Variants in NFIB observed in about 807,000 individuals in gnomAD.
The protein encoded by NFIB is nuclear factor I B, also known as nuclear factor 1 B-type.
A neutral mutation model predicts 61.5 loss-of-function variants in NFIB; 11 were observed. The observed-to-expected ratio is 0.18, with a 90% CI of 0.11 to 0.30. The LOEUF is 0.30. Ranked by LOEUF, NFIB falls within the 10% of genes least tolerant of loss-of-function variation. NFIB has a pLI of 1.00. For synonymous variants in NFIB, 260 were observed against 216.5 expected (o/e 1.20, Z -1.76); for missense variants, 471 against 608.9 (o/e 0.77, Z 2.38).
chr9:14,418,636 C>A, the NFIB span, among the ~76,000 whole-genome samples: 1,194 of 152,198 alleles, frequency 7.8e-3, 22 homozygotes, highest in African/African-American at 0.027. Context: ...TTTTGCAAGA[C>A]CCTATTAGGG....
chr9:14,317,988 C>G (rs567302100), upstream of NFIB, among the ~76,000 whole-genome samples: 22 of 152,314 alleles, frequency 1.4e-4, no homozygotes, highest in Admixed American at 4.6e-4. Context: ...CCAAACACTT[C>G]TTAAACTTTG....
chr9:14,093,898 A>G (rs1238277201), intron 10 of NFIB, among the ~76,000 whole-genome samples: 4 of 152,126 alleles, frequency 2.6e-5, no homozygotes, highest in Admixed American at 6.6e-5. Context: ...TATTAGAACA[A>G]AGAAAATAGT....
intron 1 of NFIB, among the ~76,000 whole-genome samples, chr9:14,382,997 A>C (rs2133007433): frequency 6.6e-6 from 1 of 152,320 alleles, no homozygotes; most frequent in South Asian, 2.1e-4. Flanking sequence ...GGAGAGAAGT[A>C]GCTAACTAAT....
At chr9:14,526,663 A>G in the NFIB span, among the ~76,000 whole-genome samples, 4 of 152,328 alleles carry the variant, frequency 2.6e-5, no homozygotes, top group East Asian at 7.7e-4. Flanking sequence ...CACAGCATAG[A>G]AAATAACAAT....
At chr9:14,449,809 C>T in the NFIB span, among the ~76,000 whole-genome samples, 12 of 152,144 alleles carry the variant, frequency 7.9e-5, no homozygotes, top group Admixed American at 2.6e-4. Context: ...TGGTGCATGC[C>T]TGCAGTCCCA....
At position 14,307,568 on chromosome 9, in the gene NFIB, T is replaced by C; in HGVS notation, c.31-48A>G. The C allele has an allele frequency of 6.7e-7, 1 of 1,486,228 alleles. No individual in the cohort carries two copies. The highest frequency in any genetic ancestry group is 9.0e-7 in the Non-Finnish European group (1 of 1,117,152). The allele number at this position is 1,486,228 out of a possible 1,614,324, so 92.1% of individuals were successfully genotyped here. On this transcript the variant is annotated intron_variant, in intron 1 of 10. Coordinates refer to ENST00000380953, the MANE Select transcript of NFIB (RefSeq NM_001190737.2). This position sits in a 1 kb window ranked among gnomAD's most constrained non-coding sequence, Gnocchi z 5.3. ...GAAAAGATGTGCATAGTCAGTTTAA[T>C]TTTAAAAGCTCAAAAAATAAGAAAA...
At chr9:14,256,698 C>A (rs903023653) in intron 2 of NFIB, among the ~76,000 whole-genome samples, 33 of 152,256 alleles carry the variant, frequency 2.2e-4, no homozygotes, top group African/African-American at 7.7e-4. Flanking sequence ...TCACTGTGAG[C>A]TCATAAAACT....
the NFIB span, among the ~76,000 whole-genome samples, chr9:14,426,417 G>C: frequency 1.3e-5 from 2 of 152,168 alleles, no homozygotes; most frequent in African/African-American, 2.4e-5. Context: ...TGATTTGCAT[G>C]TCTATTTTCT....
intron 3 of NFIB, among the ~76,000 whole-genome samples, chr9:14,163,303 C>A (rs569585073): frequency 1.3e-4 from 20 of 151,848 alleles, no homozygotes; most frequent in Admixed American, 2.6e-4. Flanking sequence ...AAATAAAATA[C>A]ATAAATCACT....
chr9:14,439,797 A>G, the NFIB span, among the ~76,000 whole-genome samples: 5 of 152,182 alleles, frequency 3.3e-5, no homozygotes, highest in African/African-American at 1.2e-4. Flanking sequence ...TGTGAGGAAA[A>G]CAAGTAGAGA....
At chr9:14,476,962 CTTA>C in the NFIB span, among the ~76,000 whole-genome samples, 1 of 152,176 alleles carries the variant, frequency 6.6e-6, no homozygotes, top group East Asian at 1.9e-4. Flanking sequence ...AAAGCTACTT[CTTA>C]TTATATAAAG....
At chr9:14,365,270 C>T (rs683474) in intron 1 of NFIB, among the ~76,000 whole-genome samples, 91,711 of 152,066 alleles carry the variant, frequency 0.6, 28,618 homozygotes, top group African/African-American at 0.75. Flanking sequence ...GTAATGGTTT[C>T]ACATTTTATT....
chr9:14,411,671 C>T, the NFIB span, among the ~76,000 whole-genome samples: 1 of 152,134 alleles, frequency 6.6e-6, no homozygotes, highest in African/African-American at 2.4e-5. Context: ...TGTTGGGGTC[C>T]TTCTCTCATG....
Position 14,082,770 on chromosome 9 carries a change from T to TAA in NFIB, c.*5537_*5538dup, listed in dbSNP as rs199891065. On this transcript the variant is annotated 3_prime_UTR_variant, in exon 11 of 11. Coordinates refer to ENST00000380953, the MANE Select transcript of NFIB (RefSeq NM_001190737.2). ...AGGATGCATAAAAAGCCATACTTCT[T>TAA]AAAAAAAAAAAAAAGAAAAAAAAAG... is the stretch of plus-strand genomic sequence containing the variant. 2.0e-4 allele frequency: 31 copies of TAA among 156,132 alleles called. No individual in the cohort carries two copies. The highest frequency in any genetic ancestry group is 4.0e-4 in the East Asian group (4 of 9,992). The allele number at this position is 156,132 out of a possible 1,614,324, so 9.7% of individuals were successfully genotyped here.
intron 2 of NFIB, among the ~76,000 whole-genome samples, chr9:14,274,287 C>CACACACACACACAA (rs2057844085): frequency 6.6e-6 from 1 of 151,550 alleles, no homozygotes; most frequent in South Asian, 2.1e-4. Context: ...CACACACACA[C>CACACACACACACAA]ACACGAAGAC....
chr9:14,460,784 T>C, the NFIB span, among the ~76,000 whole-genome samples: 2 of 152,094 alleles, frequency 1.3e-5, no homozygotes, highest in Admixed American at 1.3e-4. Context: ...CTTCCATGGC[T>C]CCTCATTGCC....
chr9:14,096,975 A>C (rs2034895029), intron 10 of NFIB, among the ~76,000 whole-genome samples: 1 of 152,176 alleles, frequency 6.6e-6, no homozygotes, highest in South Asian at 2.1e-4. Flanking sequence ...TGTTGTACAA[A>C]TCTTTCTTTA....
chr9:14,117,344 A>C (rs535135406), intron 8 of NFIB, among the ~76,000 whole-genome samples: 18 of 152,340 alleles, frequency 1.2e-4, no homozygotes, highest in African/African-American at 4.3e-4. Context: ...CACTCTTTGA[A>C]GAAATAGTGG....
the NFIB span, among the ~76,000 whole-genome samples, chr9:14,457,596 T>A: frequency 2.1e-5 from 3 of 146,088 alleles, no homozygotes; most frequent in Admixed American, 6.8e-5. Context: ...TTTGAAAAGA[T>A]CAACAAAATT....
Sources: allele counts gnomAD v4.1 joint callset (sites outside exome capture counted in the v4.1 genomes callset), GRCh38; gene constraint gnomAD v4.1.1; non-coding constraint Gnocchi (gnomAD v3.1); transcripts MANE v1.5; gene names NCBI Gene and HGNC (gene_info 2026-07-23, HGNC 2026-07-21).